Variants in ATXN10 observed in about 807,000 individuals in gnomAD.
ATXN10 encodes ataxin 10, also known as ataxin-10.
ATXN10 carries 28 observed loss-of-function variants against 52.9 expected under a neutral mutation model. The observed-to-expected ratio is 0.53, with a 90% CI of 0.39 to 0.73. The LOEUF (loss-of-function observed/expected upper bound fraction) is 0.73. Among genes scored for constraint, ATXN10 ranks in the 30% least tolerant of loss-of-function variants. ATXN10 has a pLI of 0.00. For missense variants in ATXN10, 565 were observed against 577.0 expected, an observed-to-expected ratio of 0.98 and a Z score of 0.21; for synonymous variants, 226 against 221.5, an observed-to-expected ratio of 1.02 and a Z score of -0.18.
chr22:45,811,655 T>C, intron 10 of ATXN10: 1 of 463,954 alleles, frequency 2.2e-6, no homozygotes, highest in Non-Finnish European at 4.5e-6. Flanking sequence ...TGTGAGTACA[T>C]TCTGTGATGT....
intron 10 of ATXN10, 92 bp downstream of exon 10, chr22:45,807,114 T>G (rs779633241): frequency 9.9e-7 from 1 of 1,014,312 alleles, no homozygotes; most frequent in Non-Finnish European, 1.6e-6. Context: ...AGTATGTAGC[T>G]GGCTGCCTTG....
chr22:45,839,334 G>T (rs1929269751), intron 10 of ATXN10, among the ~76,000 whole-genome samples: 1 of 152,200 alleles, frequency 6.6e-6, no homozygotes, highest in Non-Finnish European at 1.5e-5. Flanking sequence ...AGGTTGTCAG[G>T]TCCGTGGCTG....
At position 45,740,454 on chromosome 22, in the gene ATXN10, C is replaced by T; in HGVS notation, c.1089C>T (p.Ile363=). The part of the protein sequence containing the change: ...NCGCVRAEGD[I]SNVANGFKSH... ...GTTGCGTGAGAGCAGAAGGTGACAT[C>T]TCCAATGTGGCCAATGGGTTTAAGT... The change falls in exon 9 of 12, where the codon ATC becomes ATT. Residue 363 remains isoleucine (I), a synonymous_variant. Transcript: ENST00000252934. 1 of 1,613,912 alleles carries T rather than the reference C, an allele frequency of 6.2e-7. No individual in the cohort carries two copies. The highest frequency in any genetic ancestry group is 1.1e-5 in the South Asian group (1 of 91,078).
chr22:45,714,039 T>C lies in ATXN10; in HGVS notation c.648-4374T>C, dbSNP rs992624540. Among the ~76,000 whole-genome samples, 20 of 152,324 alleles carry C rather than the reference T, an allele frequency of 1.3e-4. No individual in the cohort carries two copies. In the South Asian group the frequency reaches 2.3e-3, roughly 17 times the overall value. On this transcript the variant is annotated intron_variant, in intron 5 of 11. Transcript: ENST00000252934. ...CAATTCTGGGTCAAAAGGAATGTAC[T>C]GTTATAATTTTGACAAACACTTCAG...
At chr22:45,802,610 C>T (rs900587923) in intron 9 of ATXN10, among the ~76,000 whole-genome samples, 1 of 152,160 alleles carries the variant, frequency 6.6e-6, no homozygotes, top group African/African-American at 2.4e-5. Flanking sequence ...AAATGGTTCC[C>T]TTGTATCCTT....
intron 7 of ATXN10, chr22:45,738,345 G>A (rs1052207134): frequency 5.7e-6 from 1 of 176,308 alleles, no homozygotes; most frequent in Non-Finnish European, 1.2e-5. Flanking sequence ...TCTTTAAAGT[G>A]GAATTTGCAT....
At position 45,818,740 on chromosome 22, in the gene ATXN10, G is replaced by A. The variant is rs375105132; in HGVS notation, c.1237+11718G>A. On this transcript the variant is annotated intron_variant, in intron 10 of 11. Transcript: ENST00000252934. The surrounding 1 kb of genome is among the most constrained non-coding windows in gnomAD (Gnocchi z 4.6). Reference sequence around the variant, plus strand: ...GTTACTTCAGCTGCCTGTCTGCTGCGTTTTCCCAAGCGTGCTTCTCAGTGG... The same window carrying A: ...GTTACTTCAGCTGCCTGTCTGCTGCATTTTCCCAAGCGTGCTTCTCAGTGG... Among the ~76,000 whole-genome samples, 1 of 151,916 alleles carries A rather than the reference G, an allele frequency of 6.6e-6. No homozygotes were observed. Among genetic ancestry groups the A allele is most frequent in the South Asian group, 2.1e-4 (1 of 4,780 alleles).
intron 10 of ATXN10, among the ~76,000 whole-genome samples, chr22:45,821,735 A>G (rs1411511422): frequency 1.3e-5 from 2 of 152,198 alleles, no homozygotes; most frequent in Admixed American, 1.3e-4. Context: ...TACCTGATGC[A>G]ACCTGTGAAC....
At chr22:45,834,976 C>T (rs1405820171) in intron 10 of ATXN10, among the ~76,000 whole-genome samples, 3 of 152,186 alleles carry the variant, frequency 2.0e-5, no homozygotes, top group Non-Finnish European at 4.4e-5. Flanking sequence ...GACCCTGAAA[C>T]CTGTGTGTGA....
In ATXN10 at chr22:45,689,816, T is replaced by A. The variant is rs1394741021; in HGVS notation, c.221T>A (p.Leu74Gln). 1 of 1,614,244 alleles carries A rather than the reference T, an allele frequency of 6.2e-7. No individual in the cohort carries two copies. Among genetic ancestry groups the A allele is most frequent in the South Asian group, 1.1e-5 (1 of 91,088 alleles). ...AGAGATCCATCCCAAGTGGAAAACC[T>A]GGCTTCCAGTCTGCAGTTAATAACA... ...ACRDPSQVEN[L>Q]ASSLQLITEC... The change falls in exon 2 of 12, where the codon CTG (leucine) becomes CAG (glutamine). Residue 74 changes from leucine to glutamine, a missense_variant. Transcript: ENST00000252934.
intron 10 of ATXN10, among the ~76,000 whole-genome samples, chr22:45,815,920 C>T (rs1928443681): frequency 1.3e-5 from 2 of 152,096 alleles, no homozygotes; most frequent in African/African-American, 4.8e-5. Context: ...TTCATTAATC[C>T]TACTGAGCAT....
intron 1 of ATXN10, chr22:45,689,377 C>T (rs1050824418): frequency 4.3e-5 from 16 of 371,262 alleles, no homozygotes; most frequent in Non-Finnish European, 8.2e-5. Context: ...TTCACTTGGC[C>T]TTGTGTCTCT....
At chr22:45,748,219 CTAACTA>C (rs1170763085) in intron 9 of ATXN10, among the ~76,000 whole-genome samples, 1 of 151,930 alleles carries the variant, frequency 6.6e-6, no homozygotes, top group Non-Finnish European at 1.5e-5. Flanking sequence ...CCTTATGTCT[CTAACTA>C]TAATACTTCC....
chr22:45,680,846 G>A (rs1186015561), intron 1 of ATXN10, among the ~76,000 whole-genome samples: 2 of 152,046 alleles, frequency 1.3e-5, no homozygotes, highest in Non-Finnish European at 2.9e-5. Flanking sequence ...AAAATTCCCT[G>A]TATCCTGAAC....
At chr22:45,834,292 G>T (rs996258305) in intron 10 of ATXN10, among the ~76,000 whole-genome samples, 5 of 152,118 alleles carry the variant, frequency 3.3e-5, no homozygotes, top group Non-Finnish European at 7.3e-5. Context: ...AGATCACCAG[G>T]TACTTGGTAA....
rs1158992462 is a variant in ATXN10 at position 45,823,250 on chromosome 22, A to C, written c.1237+16228A>C. 2.2e-6 allele frequency: 1 copy of C among 461,708 alleles called. No individual in the cohort carries two copies. Among genetic ancestry groups the C allele is most frequent in the South Asian group, 1.6e-5 (1 of 61,880 alleles). The allele number at this position is 461,708 out of a possible 1,614,324, so 28.6% of individuals were successfully genotyped here. The stretch of plus-strand genomic sequence containing the variant: ...TTCTGACTTCTATGATGTTTTAATG[A>C]ATAAAAATTCCCAATTTTAATGTAA... On this transcript the variant is annotated intron_variant, in intron 10 of 11. Coordinates refer to ENST00000252934, the MANE Select transcript of ATXN10 (RefSeq NM_013236.4). The surrounding 1 kb of genome is among the most constrained non-coding windows in gnomAD (Gnocchi z 4.9).
rs1235823045 is a variant in ATXN10, at chr22:45,727,625, T to C, written c.729-1800T>C. 6.6e-6 allele frequency among the ~76,000 whole-genome samples: 1 copy of C among 152,164 alleles called. No homozygotes were observed. Reference sequence around the variant, plus strand: ...ATCCCCCATCCTCGGCCTCCCAAAGTACTGGGATTTCAGGTGTGAGCCACC... The same window carrying C: ...ATCCCCCATCCTCGGCCTCCCAAAGCACTGGGATTTCAGGTGTGAGCCACC... On this transcript the variant is annotated intron_variant, in intron 6 of 11. Coordinates refer to ENST00000252934, the MANE Select transcript of ATXN10 (RefSeq NM_013236.4). This position sits in a 1 kb window ranked among gnomAD's most constrained non-coding sequence, Gnocchi z 4.6.
intron 10 of ATXN10, among the ~76,000 whole-genome samples, chr22:45,809,547 T>C (rs1392747717): frequency 6.6e-6 from 1 of 152,176 alleles, no homozygotes; most frequent in East Asian, 1.9e-4. Flanking sequence ...ACCTGTTTAT[T>C]TTATGACATG....
chr22:45,816,304 T>G lies in ATXN10; in HGVS notation c.1237+9282T>G, dbSNP rs952645872. On this transcript the variant is annotated intron_variant, in intron 10 of 11. Coordinates refer to ENST00000252934, the MANE Select transcript of ATXN10 (RefSeq NM_013236.4). This position sits in a 1 kb window ranked among gnomAD's most constrained non-coding sequence, Gnocchi z 5.8. ...TTCACTGCCCTATTTTGATCTTAGATCATAATCAGGAGAAAGTGCTGAGCA... is the reference window on the plus strand; with the variant it reads ...TTCACTGCCCTATTTTGATCTTAGAGCATAATCAGGAGAAAGTGCTGAGCA... 2.6e-5 allele frequency among the ~76,000 whole-genome samples: 4 copies of G among 152,150 alleles called. No individual in the cohort carries two copies. Among genetic ancestry groups the G allele is most frequent in the African/African-American group, 9.7e-5 (4 of 41,422 alleles).
Sources: allele counts gnomAD v4.1 joint callset (sites outside exome capture counted in the v4.1 genomes callset), GRCh38; gene constraint gnomAD v4.1.1; non-coding constraint Gnocchi (gnomAD v3.1); transcripts MANE v1.5; gene names NCBI Gene and HGNC (gene_info 2026-07-23, HGNC 2026-07-21).